ATP13A4: variants seen among roughly 807,000 people sequenced by gnomAD.
ATP13A4 encodes the protein ATPase 13A4, also known as probable cation-transporting ATPase 13A4.
In ATP13A4, 114 loss-of-function variants were observed where a neutral mutation model predicts 142.5. That is an observed-to-expected ratio of 0.80 (90% CI 0.69 to 0.93). The LOEUF (loss-of-function observed/expected upper bound fraction) is 0.93. ATP13A4 is among the 40% of genes least tolerant of loss of function. ATP13A4 has a pLI of 0.00. For synonymous variants in ATP13A4, 488 were observed against 514.8 expected, an observed-to-expected ratio of 0.95 and a Z score of 0.70; for missense variants, 1,392 against 1,454.0, an observed-to-expected ratio of 0.96 and a Z score of 0.69.
At chr3:193,442,615 G>C in intron 18 of ATP13A4, 59 bp from the exon 19 acceptor site, 2 of 1,539,358 alleles carry the variant, frequency 1.3e-6, no homozygotes. Flanking sequence ...AATTCATGCA[G>C]AGCCTTGAAA....
chr3:193,515,566 T>C (rs910820664), intron 1 of ATP13A4, among the ~76,000 whole-genome samples: 1 of 151,732 alleles, frequency 6.6e-6, no homozygotes, highest in African/African-American at 2.4e-5. Context: ...GAAAACACCA[T>C]AGGGACTATT....
intron 2 of ATP13A4, among the ~76,000 whole-genome samples, chr3:193,570,761 T>C (rs1262105799): frequency 6.6e-6 from 1 of 152,130 alleles, no homozygotes; most frequent in Non-Finnish European, 1.5e-5. Flanking sequence ...TGTGTACCAG[T>C]TGTGTGGTCA....
At chr3:193,408,581 C>G (rs915678993) in intron 28 of ATP13A4, among the ~76,000 whole-genome samples, 17 of 152,104 alleles carry the variant, frequency 1.1e-4, no homozygotes, top group African/African-American at 4.1e-4. Context: ...ATGGTGGATA[C>G]CCCAACTGTT....
chr3:193,495,825 G>A (rs762367474), intron 3 of ATP13A4, among the ~76,000 whole-genome samples: 15 of 151,730 alleles, frequency 9.9e-5, no homozygotes, highest in African/African-American at 3.4e-4. Flanking sequence ...TATATAGAAC[G>A]TCCTAAAGCC....
chr3:193,471,086 A>T, intron 8 of ATP13A4, 93 bp from the exon 9 acceptor site: 2 of 1,551,962 alleles, frequency 1.3e-6, no homozygotes, highest in Admixed American at 1.7e-5. Context: ...TGAAAAAGCA[A>T]CCAAGACATT....
chr3:193,511,941 CTCT>C (rs1721162005), intron 2 of ATP13A4, among the ~76,000 whole-genome samples: 1 of 151,926 alleles, frequency 6.6e-6, no homozygotes, highest in African/African-American at 2.4e-5. Context: ...GGATTTTTTT[CTCT>C]TTTCTCTCTC....
At position 193,578,873 on chromosome 3, in the gene ATP13A4, C is replaced by A. The variant is rs536369341; in HGVS notation, n.291+2834G>T. ...AAATACTATTGTGGCTGGGTTGTAG[C>A]CAGTTTTCTTAATGTACATGCTGAT... is the stretch of plus-strand genomic sequence containing the variant. On this transcript the variant is annotated intron_variant and non_coding_transcript_variant, in intron 2 of 3. Transcript: ENST00000489140. 9 of 166,388 alleles carry A rather than the reference C, an allele frequency of 5.4e-5. No homozygotes were observed. The South Asian group carries it at 1.4e-3, about 25-fold the overall frequency. The allele number at this position is 166,388 out of a possible 1,614,324, so 10.3% of individuals were successfully genotyped here.
chr3:193,561,748 T>C (rs992207647), intron 2 of ATP13A4, among the ~76,000 whole-genome samples: 1 of 152,186 alleles, frequency 6.6e-6, no homozygotes, highest in Admixed American at 6.5e-5. Flanking sequence ...GCACTTCAAA[T>C]AAGCAATCTT....
rs1190025956 is a variant in ATP13A4 at position 193,437,103 on chromosome 3, C to CAAAAAAA, written c.2672+1365_2673-1360dup. 7.8e-4 allele frequency among the ~76,000 whole-genome samples: 49 copies of CAAAAAAA among 62,798 alleles called. 1 individual carries two copies. The highest frequency in any genetic ancestry group is 2.2e-3 in the East Asian group (5 of 2,236). 41.2% of individuals were successfully genotyped at this position (62,798 alleles called of 152,430 possible). On this transcript the variant is annotated intron_variant, in intron 23 of 29. Transcript: ENST00000342695. The stretch of plus-strand genomic sequence containing the variant: ...TGGGCGACAGAGTGAGACTCCGTCT[C>CAAAAAAA]AAAAAAAAAAAAAAAAAAACCTGAT...
intron 1 of ATP13A4, among the ~76,000 whole-genome samples, chr3:193,520,145 T>C (rs1721643214): frequency 1.3e-5 from 2 of 152,036 alleles, no homozygotes; most frequent in East Asian, 3.9e-4. Flanking sequence ...GTGGCTATAT[T>C]AAAGGAAAGA....
chr3:193,512,248 G>T (rs911288304), intron 2 of ATP13A4, among the ~76,000 whole-genome samples: 1 of 152,150 alleles, frequency 6.6e-6, no homozygotes, highest in Non-Finnish European at 1.5e-5. Flanking sequence ...AGATTCTTAA[G>T]TTCGCGTGGA....
chr3:193,504,164 A>T (rs540620458), intron 2 of ATP13A4, among the ~76,000 whole-genome samples: 3 of 151,288 alleles, frequency 2.0e-5, no homozygotes, highest in Non-Finnish European at 3.0e-5. Flanking sequence ...CTGTGGATTT[A>T]AAAAAAAAGG....
intron 2 of ATP13A4, among the ~76,000 whole-genome samples, chr3:193,571,146 C>T (rs1170583733): frequency 6.6e-6 from 1 of 151,904 alleles, no homozygotes; most frequent in Admixed American, 6.6e-5. Flanking sequence ...GGCATGGTGG[C>T]GTGGGCCTGT....
intron 27 of ATP13A4, 117 bp downstream of exon 27, chr3:193,412,061 G>C (rs1714791111): frequency 1.1e-6 from 1 of 898,952 alleles, no homozygotes; most frequent in African/African-American, 1.6e-5. Flanking sequence ...GTCCTAGAGT[G>C]GAAGTCAAGA....
At chr3:193,459,298 G>A in intron 13 of ATP13A4, 67 bp from the exon 14 acceptor site, 1 of 1,578,604 alleles carries the variant, frequency 6.3e-7, no homozygotes, top group Non-Finnish European at 8.7e-7. Flanking sequence ...TCTTGGAGGT[G>A]AACAAACATC....
intron 1 of ATP13A4, among the ~76,000 whole-genome samples, chr3:193,527,255 C>T (rs967716570): frequency 2.6e-5 from 4 of 152,046 alleles, no homozygotes; most frequent in African/African-American, 7.3e-5. Flanking sequence ...ATCATGGGGA[C>T]GGTTTCCCTT....
At position 193,554,721 on chromosome 3, in the gene ATP13A4, A is replaced by C; in HGVS notation, c.60+19T>G. The C allele has an allele frequency of 6.2e-7, 1 of 1,611,948 alleles. No homozygotes were observed. Among genetic ancestry groups the C allele is most frequent in the Non-Finnish European group, 8.5e-7 (1 of 1,179,434 alleles). ...CTGAGAAGTGGGATGGGAAGAAGGG[A>C]ATGTGGCTAGAATCTTACCATCTCA... On this transcript the variant is annotated intron_variant, in intron 1 of 29. Transcript: ENST00000342695.
intron 1 of ATP13A4, among the ~76,000 whole-genome samples, chr3:193,542,931 C>T (rs1054810779): frequency 3.9e-5 from 6 of 152,004 alleles, no homozygotes; most frequent in East Asian, 1.9e-4. Flanking sequence ...TTTGGGAGGC[C>T]GAGGTGGGCA....
At chr3:193,577,302 A>G (rs988035713) in intron 2 of ATP13A4, among the ~76,000 whole-genome samples, 15 of 152,328 alleles carry the variant, frequency 9.8e-5, no homozygotes, top group African/African-American at 3.6e-4. Flanking sequence ...CCCACTACTT[A>G]TCCAGGCAAA....
Sources: gnomAD v4.1 joint callset for allele counts (sites outside exome capture counted in the v4.1 genomes callset) on GRCh38, gnomAD v4.1.1 for gene constraint, MANE v1.5 for transcripts, NCBI Gene and HGNC (gene_info 2026-07-23, HGNC 2026-07-21) for gene names.